GRIK4: variants seen among roughly 807,000 people sequenced by gnomAD.
GRIK4 encodes the protein glutamate ionotropic receptor kainate type subunit 4, also known as glutamate receptor ionotropic, kainate 4.
In GRIK4, 40 loss-of-function variants were observed where a neutral mutation model predicts 104.9. That is an observed-to-expected ratio of 0.38 (90% CI 0.30 to 0.50). The LOEUF (loss-of-function observed/expected upper bound fraction) is 0.50. Ranked by LOEUF, GRIK4 falls within the 20% of genes least tolerant of loss-of-function variation. The pLI is 0.93. For synonymous variants in GRIK4, 485 were observed against 524.9 expected, an observed-to-expected ratio of 0.92 and a Z score of 1.04; for missense variants, 1,047 against 1,308.1, an observed-to-expected ratio of 0.80 and a Z score of 3.08.
At chr11:120,923,476 G>A (rs901378620) in intron 13 of GRIK4, among the ~76,000 whole-genome samples, 8 of 140,662 alleles carry the variant, frequency 5.7e-5, no homozygotes, top group Non-Finnish European at 7.5e-5. Context: ...GCAGTGGCGC[G>A]ATCTCGGCTC....
chr11:120,562,860 G>C (rs946659651), intron 1 of GRIK4, among the ~76,000 whole-genome samples: 1 of 152,208 alleles, frequency 6.6e-6, no homozygotes. Context: ...GGGGGGTATC[G>C]TGTGGAAAAG....
chr11:120,851,112 A>G (rs1953963245), intron 8 of GRIK4, among the ~76,000 whole-genome samples: 3 of 152,070 alleles, frequency 2.0e-5, no homozygotes, highest in Admixed American at 1.3e-4. Context: ...AAGAGTTGAG[A>G]TAGTCCTAAA....
chr11:120,710,997 T>TGGG (rs139734821), intron 3 of GRIK4, among the ~76,000 whole-genome samples: 6,627 of 123,168 alleles, frequency 0.054, 415 homozygotes, highest in Non-Finnish European at 0.069. Context: ...CCCTGTGAGG[T>TGGG]GGGGAGGGGG....
At chr11:120,692,087 G>A (rs1241124783) in intron 3 of GRIK4, among the ~76,000 whole-genome samples, 1 of 152,232 alleles carries the variant, frequency 6.6e-6, no homozygotes, top group African/African-American at 2.4e-5. Flanking sequence ...AGGGGAGGAT[G>A]TGATGGCTGC....
intron 1 of GRIK4, among the ~76,000 whole-genome samples, chr11:120,614,051 G>A (rs1370066391): frequency 6.6e-6 from 1 of 152,180 alleles, no homozygotes; most frequent in Non-Finnish European, 1.5e-5. Context: ...CTCTGCATAT[G>A]TAAGCTCAGC....
At chr11:120,832,099 C>T in intron 7 of GRIK4, 69 bp downstream of exon 7, 1 of 1,101,416 alleles carries the variant, frequency 9.1e-7, no homozygotes, top group Non-Finnish European at 1.3e-6. Context: ...CTTGAGGGTC[C>T]TCCTGAGCTG....
At chr11:120,704,143 T>A (rs1046361106) in intron 3 of GRIK4, among the ~76,000 whole-genome samples, 1 of 152,226 alleles carries the variant, frequency 6.6e-6, no homozygotes, top group Non-Finnish European at 1.5e-5. Flanking sequence ...AATGAGATAA[T>A]AACCATAGAA....
chr11:120,597,851 C>G (rs1467713907), intron 1 of GRIK4, among the ~76,000 whole-genome samples: 2 of 152,168 alleles, frequency 1.3e-5, no homozygotes, highest in Non-Finnish European at 2.9e-5. Flanking sequence ...AGAAACCTGC[C>G]TGACTTTCAG....
At chr11:120,533,940 A>C (rs1947946689) in intron 1 of GRIK4, among the ~76,000 whole-genome samples, 1 of 152,230 alleles carries the variant, frequency 6.6e-6, no homozygotes, top group African/African-American at 2.4e-5. Flanking sequence ...GCCACTGAAA[A>C]ATTTTAAACA....
chr11:120,774,401 T>C (rs1420924556), intron 3 of GRIK4, among the ~76,000 whole-genome samples: 2 of 152,166 alleles, frequency 1.3e-5, no homozygotes, highest in Non-Finnish European at 2.9e-5. Context: ...CACATGGTTA[T>C]GGAGACTGGC....
chr11:120,916,739 T>C (rs539050166), intron 13 of GRIK4, among the ~76,000 whole-genome samples: 1 of 152,226 alleles, frequency 6.6e-6, no homozygotes, highest in African/African-American at 2.4e-5. Flanking sequence ...TCAGGCTACG[T>C]GTCTAAGGTG....
chr11:120,830,734 G>A (rs191632142), intron 6 of GRIK4, among the ~76,000 whole-genome samples: 307 of 152,234 alleles, frequency 2.0e-3, no homozygotes, highest in African/African-American at 7.0e-3. Flanking sequence ...AAAATGTTTC[G>A]CACATTAACT....
At chr11:120,811,383 G>A (rs187204400) in intron 4 of GRIK4, among the ~76,000 whole-genome samples, 20 of 152,214 alleles carry the variant, frequency 1.3e-4, no homozygotes, top group African/African-American at 4.3e-4. Context: ...GGGGATGGCT[G>A]TGCGGTGCAG....
chr11:120,822,281 C>T (rs1168285101), intron 6 of GRIK4, among the ~76,000 whole-genome samples: 2 of 150,304 alleles, frequency 1.3e-5, no homozygotes, highest in Non-Finnish European at 3.0e-5. Context: ...TCCAGCAGGG[C>T]TTCCATGAAA....
intron 1 of GRIK4, among the ~76,000 whole-genome samples, chr11:120,572,017 CAT>C (rs1443639727): frequency 6.6e-6 from 1 of 152,204 alleles, no homozygotes; most frequent in East Asian, 1.9e-4. Context: ...TTAAACAACA[CAT>C]ATTTCTCACC....
intron 3 of GRIK4, among the ~76,000 whole-genome samples, chr11:120,719,638 C>T (rs926386614): frequency 2.0e-5 from 3 of 152,198 alleles, no homozygotes; most frequent in Non-Finnish European, 4.4e-5. Flanking sequence ...TTCCCCCTTT[C>T]CTTCAGGTCT....
chr11:120,820,311 A>T (rs1021404635), intron 6 of GRIK4, among the ~76,000 whole-genome samples: 1 of 152,152 alleles, frequency 6.6e-6, no homozygotes, highest in Non-Finnish European at 1.5e-5. Context: ...TGTCAAGGAG[A>T]TACAAAAAGA....
intron 1 of GRIK4, among the ~76,000 whole-genome samples, chr11:120,538,741 A>G (rs1565542781): frequency 6.6e-6 from 1 of 152,206 alleles, no homozygotes; most frequent in East Asian, 1.9e-4. Context: ...GAGGTCAGGA[A>G]AAGGAAAGGG....
intron 1 of GRIK4, among the ~76,000 whole-genome samples, chr11:120,605,862 A>G (rs1948953465): frequency 1.3e-5 from 2 of 152,196 alleles, no homozygotes; most frequent in African/African-American, 4.8e-5. Context: ...TAGGATGGAG[A>G]AAGTTCTTTA....
Sources: gnomAD v4.1 joint callset for allele counts (sites outside exome capture counted in the v4.1 genomes callset) on GRCh38, gnomAD v4.1.1 for gene constraint, MANE v1.5 for transcripts, NCBI Gene and HGNC (gene_info 2026-07-23, HGNC 2026-07-21) for gene names.